OPCML: variants seen among roughly 807,000 people sequenced by gnomAD.
OPCML encodes opioid binding protein/cell adhesion molecule like.
Under a neutral mutation model 37.8 loss-of-function variants are expected in OPCML, and 13 were observed. That is an observed-to-expected ratio of 0.34 (90% CI 0.22 to 0.55). The LOEUF is 0.55. Among genes scored for constraint, OPCML ranks in the 20% least tolerant of loss-of-function variants. OPCML has a pLI of 0.91. For synonymous variants in OPCML, 176 were observed against 168.8 expected, an observed-to-expected ratio of 1.04 and a Z score of -0.33; for missense variants, 341 against 435.6, an observed-to-expected ratio of 0.78 and a Z score of 1.93.
At chr11:132,523,479 A>G (rs1393908931) in intron 4 of OPCML, among the ~76,000 whole-genome samples, 1 of 152,156 alleles carries the variant, frequency 6.6e-6, no homozygotes, top group African/African-American at 2.4e-5. Context: ...GGACTAATCA[A>G]CTTAGTTTTA....
chr11:132,944,482 C>G (rs1945698353), intron 1 of OPCML, among the ~76,000 whole-genome samples: 2 of 152,152 alleles, frequency 1.3e-5, no homozygotes, highest in Admixed American at 1.3e-4. Context: ...CGGAAACGCC[C>G]GTGCCCCTCC....
At chr11:133,475,862 C>T (rs946472841) in intron 1 of OPCML, among the ~76,000 whole-genome samples, 3 of 151,302 alleles carry the variant, frequency 2.0e-5, no homozygotes, top group African/African-American at 4.9e-5. Flanking sequence ...ATGCTTTCAG[C>T]CAAGATACTG....
At chr11:133,231,500 T>A (rs1940275110) in intron 1 of OPCML, among the ~76,000 whole-genome samples, 1 of 152,100 alleles carries the variant, frequency 6.6e-6, no homozygotes, top group African/African-American at 2.4e-5. Context: ...TCATTGTAAT[T>A]TTAGGGCAGA....
intron 2 of OPCML, among the ~76,000 whole-genome samples, chr11:132,657,635 C>T (rs976997761): frequency 2.6e-5 from 4 of 152,128 alleles, no homozygotes; most frequent in African/African-American, 4.8e-5. Flanking sequence ...GTTTCTTGAG[C>T]ACATTTACCA....
chr11:132,681,513 C>T (rs980288626), intron 2 of OPCML, among the ~76,000 whole-genome samples: 15 of 152,120 alleles, frequency 9.9e-5, no homozygotes, highest in African/African-American at 2.9e-4. Flanking sequence ...GATGACCTTC[C>T]TGCTCCATCT....
intron 1 of OPCML, among the ~76,000 whole-genome samples, chr11:133,436,460 T>G (rs1248583370): frequency 6.6e-6 from 1 of 152,194 alleles, no homozygotes; most frequent in African/African-American, 2.4e-5. Flanking sequence ...ACATATTGCA[T>G]GAGTTAACAG....
In OPCML at chr11:132,418,247, G is replaced by A. The variant is rs2095945308; in HGVS notation, c.*1946C>T. 6.6e-6 allele frequency: 1 copy of A among 152,160 alleles called. No individual in the cohort carries two copies. Among genetic ancestry groups the A allele is most frequent in the Non-Finnish European group, 1.5e-5 (1 of 68,038 alleles). The allele number at this position is 152,160 out of a possible 1,614,324, so 9.4% of individuals were successfully genotyped here. On this transcript the variant is annotated 3_prime_UTR_variant, in exon 8 of 8. Transcript: ENST00000524381. Reference sequence around the variant, plus strand: ...CTGAAAAGGTTTTCCAACTGAGGCAGGGCAGGTCTGCGATTGATGCTGCAT... The same window carrying A: ...CTGAAAAGGTTTTCCAACTGAGGCAAGGCAGGTCTGCGATTGATGCTGCAT...
In OPCML at chr11:133,154,766, AG is replaced by A. The variant is rs559529427; in HGVS notation, c.62-211757del. On this transcript the variant is annotated intron_variant, in intron 1 of 7. Coordinates refer to ENST00000524381, the MANE Select transcript of OPCML (RefSeq NM_001012393.5). ...TGGCCAATAGAAGGAGAAGGAAAAA[AG>A]AGGAGGGAATGTGAAGCCTGAGAAA... Among the ~76,000 whole-genome samples the A allele has an allele frequency of 9.8e-3, 1,490 of 152,280 alleles. 24 individuals are homozygous for A. The highest frequency in any genetic ancestry group is 0.011 in the Non-Finnish European group (733 of 68,024).
intron 3 of OPCML, among the ~76,000 whole-genome samples, chr11:132,564,709 G>T (rs2096418387): frequency 6.6e-6 from 1 of 152,050 alleles, no homozygotes. Flanking sequence ...CATGCATTAT[G>T]CATTCTACAG....
At chr11:132,747,119 A>G (rs1165685128) in intron 2 of OPCML, among the ~76,000 whole-genome samples, 1 of 152,232 alleles carries the variant, frequency 6.6e-6, no homozygotes, top group Non-Finnish European at 1.5e-5. Context: ...TAATAATTAA[A>G]TAGAAGGGTA....
At chr11:133,240,657 CTT>C (rs1471544923) in intron 1 of OPCML, among the ~76,000 whole-genome samples, 2 of 152,214 alleles carry the variant, frequency 1.3e-5, no homozygotes, top group Non-Finnish European at 2.9e-5. Flanking sequence ...TGCCCCATGA[CTT>C]TACTTCTATA....
At chr11:132,793,969 C>T (rs974033665) in intron 2 of OPCML, among the ~76,000 whole-genome samples, 2 of 152,228 alleles carry the variant, frequency 1.3e-5, no homozygotes, top group South Asian at 2.1e-4. Flanking sequence ...GGGGTAAAGA[C>T]GGCTACTGCC....
At chr11:133,373,632 T>TAA (rs201795079) in intron 1 of OPCML, among the ~76,000 whole-genome samples, 36 of 140,070 alleles carry the variant, frequency 2.6e-4, no homozygotes, top group African/African-American at 9.3e-4. Flanking sequence ...CTCAGAAACA[T>TAA]AAAAAAAAAG....
intron 1 of OPCML, among the ~76,000 whole-genome samples, chr11:133,472,447 G>C (rs1426066390): frequency 6.6e-6 from 1 of 152,070 alleles, no homozygotes; most frequent in Non-Finnish European, 1.5e-5. Flanking sequence ...CTGGGCAAAG[G>C]TGGGGAAGAG....
At chr11:132,518,381 C>T (rs1222367828) in intron 4 of OPCML, among the ~76,000 whole-genome samples, 7 of 152,178 alleles carry the variant, frequency 4.6e-5, no homozygotes, top group Non-Finnish European at 7.3e-5. Context: ...CCAGCTTCAT[C>T]CATGTCCTTG....
At chr11:132,956,419 T>C (rs1464078750) in intron 1 of OPCML, among the ~76,000 whole-genome samples, 3 of 152,242 alleles carry the variant, frequency 2.0e-5, no homozygotes, top group African/African-American at 7.2e-5. Flanking sequence ...TCTCATAACG[T>C]ATGTTTACAT....
intron 2 of OPCML, among the ~76,000 whole-genome samples, chr11:132,919,623 AGAACCATCG>A (rs1425102095): frequency 6.6e-6 from 1 of 152,214 alleles, no homozygotes; most frequent in Non-Finnish European, 1.5e-5. Context: ...ACTCTGGAAC[AGAACCATCG>A]GAATCAGGTA....
In OPCML at chr11:133,036,113, A is replaced by C. The variant is rs953396644; in HGVS notation, c.62-93103T>G. 2.6e-5 allele frequency among the ~76,000 whole-genome samples: 4 copies of C among 152,224 alleles called. 1 individual carries two copies. The highest frequency in any genetic ancestry group is 2.6e-4 in the Admixed American group (4 of 15,288). ...GAGATTTAGATAAACTAAAACTTTAAAGTCTACTTAAAATGTCAAAGTGAA... is the reference window on the plus strand; with the variant it reads ...GAGATTTAGATAAACTAAAACTTTACAGTCTACTTAAAATGTCAAAGTGAA... On this transcript the variant is annotated intron_variant, in intron 1 of 7. Transcript: ENST00000524381.
chr11:133,112,422 A>G (rs1166872714), intron 1 of OPCML, among the ~76,000 whole-genome samples: 1 of 152,164 alleles, frequency 6.6e-6, no homozygotes, highest in Non-Finnish European at 1.5e-5. Flanking sequence ...TGAGTATATG[A>G]CAGATGAAAA....
Sources: gnomAD v4.1 joint callset for allele counts (sites outside exome capture counted in the v4.1 genomes callset) on GRCh38, gnomAD v4.1.1 for gene constraint, MANE v1.5 for transcripts, NCBI Gene and HGNC (gene_info 2026-07-23, HGNC 2026-07-21) for gene names.